PTPRM: variants seen among roughly 807,000 people sequenced by gnomAD.
PTPRM encodes the protein protein tyrosine phosphatase receptor type M.
Under a neutral mutation model 186.7 loss-of-function variants are expected in PTPRM, and 47 were observed. The ratio of observed to expected loss-of-function variants is 0.25; its 90% CI spans 0.20 to 0.32. The LOEUF is 0.32. Ranked by LOEUF, PTPRM falls within the 10% of genes least tolerant of loss-of-function variation. PTPRM has a pLI of 1.00. For synonymous variants in PTPRM, 668 were observed against 674.9 expected (o/e 0.99, Z 0.16); for missense variants, 1,494 against 1,865.0 (o/e 0.80, Z 3.66).
At chr18:8,206,124 A>G (rs2093924469) in intron 14 of PTPRM, among the ~76,000 whole-genome samples, 1 of 152,208 alleles carries the variant, frequency 6.6e-6, no homozygotes, top group African/African-American at 2.4e-5. Context: ...ATGCATGAAG[A>G]TGAACAAAAT....
intron 2 of PTPRM, among the ~76,000 whole-genome samples, chr18:7,834,521 C>CACACACACAG (rs1359393353): frequency 1.4e-5 from 2 of 147,752 alleles, no homozygotes; most frequent in Non-Finnish European, 3.0e-5. Flanking sequence ...CACACACACA[C>CACACACACAG]ACACACACTT....
At position 8,085,768 on chromosome 18, in the gene PTPRM, T is replaced by A; in HGVS notation, c.1649T>A (p.Phe550Tyr). Reference sequence around the variant, plus strand: ...CTGGGAAATGAAACCCATTTTCTGTTTTTTGGACTGTATCCGGGGACCACA... The same window carrying A: ...CTGGGAAATGAAACCCATTTTCTGTATTTTGGACTGTATCCGGGGACCACA... ...SKLGNETHFL[F>Y]FGLYPGTTYS... is the part of the protein sequence containing the mutation. Residue 550 changes from phenylalanine (F) to tyrosine (Y), a missense_variant, in exon 10 of 33, where the codon TTT becomes TAT. Physicochemically the swap from Phe to Tyr is conservative, Grantham distance 22 (BLOSUM62 3). Coordinates refer to ENST00000580170, the MANE Select transcript of PTPRM (RefSeq NM_001105244.2). 6.2e-7 allele frequency: 1 copy of A among 1,613,340 alleles called. No homozygotes were observed. Among genetic ancestry groups the A allele is most frequent in the Non-Finnish European group, 8.5e-7 (1 of 1,179,450 alleles).
At chr18:7,947,887 A>G (rs962349151) in intron 5 of PTPRM, among the ~76,000 whole-genome samples, 1 of 152,042 alleles carries the variant, frequency 6.6e-6, no homozygotes, top group Admixed American at 6.6e-5. Flanking sequence ...ACCCCAAACA[A>G]CTGCAGGCCC....
chr18:7,972,246 G>A (rs1401720899), intron 7 of PTPRM, among the ~76,000 whole-genome samples: 2 of 133,740 alleles, frequency 1.5e-5, no homozygotes, highest in East Asian at 4.1e-4. Context: ...TCACGCATAG[G>A]TGGGAATTGA....
rs79585305 is a variant in PTPRM at position 8,131,206 on chromosome 18, T to C, written c.2168-12441T>C. Among the ~76,000 whole-genome samples, 28 of 152,324 alleles carry C rather than the reference T, an allele frequency of 1.8e-4. No individual in the cohort carries two copies. In the East Asian group the frequency reaches 5.4e-3, roughly 29 times the overall value. On this transcript the variant is annotated intron_variant, in intron 13 of 32. Coordinates refer to ENST00000580170, the MANE Select transcript of PTPRM (RefSeq NM_001105244.2). Reference sequence around the variant, plus strand: ...GATAGTATGTAGGGTATTATTTACTTGAACACCATGTGGATGCTGTGGTCT... The same window carrying C: ...GATAGTATGTAGGGTATTATTTACTCGAACACCATGTGGATGCTGTGGTCT...
intron 1 of PTPRM, among the ~76,000 whole-genome samples, chr18:7,697,505 T>A (rs1034521858): frequency 4.6e-5 from 7 of 152,190 alleles, no homozygotes; most frequent in African/African-American, 1.7e-4. Context: ...TCTTGTCCAG[T>A]AGGGCGATGA....
At chr18:7,924,193 C>G (rs150233006) in intron 4 of PTPRM, among the ~76,000 whole-genome samples, 1 of 152,328 alleles carries the variant, frequency 6.6e-6, no homozygotes, top group East Asian at 1.9e-4. Context: ...GCAGGTATTC[C>G]AGTGGGCTTT....
intron 10 of PTPRM, among the ~76,000 whole-genome samples, chr18:8,087,416 C>T (rs1600488675): frequency 6.6e-6 from 1 of 152,242 alleles, no homozygotes; most frequent in Non-Finnish European, 1.5e-5. Flanking sequence ...TTAATTTACT[C>T]ACAGTTCAGC....
chr18:8,372,776 T>C (rs998895108), intron 24 of PTPRM, among the ~76,000 whole-genome samples: 3 of 151,308 alleles, frequency 2.0e-5, no homozygotes, highest in Non-Finnish European at 2.9e-5. Flanking sequence ...AGAGCACTCA[T>C]GAATAACCGC....
chr18:8,278,349 T>C (rs1366446064), intron 19 of PTPRM, among the ~76,000 whole-genome samples: 2 of 152,188 alleles, frequency 1.3e-5, no homozygotes, highest in Admixed American at 6.6e-5. Context: ...AGTTGTAGGA[T>C]AAAAAGGTAG....
intron 7 of PTPRM, among the ~76,000 whole-genome samples, chr18:7,998,168 A>G (rs189477015): frequency 6.6e-6 from 1 of 152,300 alleles, no homozygotes; most frequent in Non-Finnish European, 1.5e-5. Context: ...TAAGTAAAAT[A>G]TAGTGTATAC....
intron 11 of PTPRM, among the ~76,000 whole-genome samples, chr18:8,097,122 T>A (rs1308251736): frequency 6.6e-6 from 1 of 152,196 alleles, no homozygotes; most frequent in Admixed American, 6.5e-5. Flanking sequence ...AATGTAACTA[T>A]TTATTATAAG....
intron 19 of PTPRM, among the ~76,000 whole-genome samples, chr18:8,280,941 T>C (rs2094896755): frequency 6.6e-6 from 1 of 152,112 alleles, no homozygotes; most frequent in East Asian, 1.9e-4. Context: ...TCTCACATAT[T>C]AGAGATGTGA....
chr18:8,259,546 G>T (rs1484020838), intron 19 of PTPRM, among the ~76,000 whole-genome samples: 1 of 149,476 alleles, frequency 6.7e-6, no homozygotes, highest in Non-Finnish European at 1.5e-5. Flanking sequence ...TTTGTTAAAT[G>T]CAAGTTCAGT....
chr18:8,187,788 G>A (rs571140933), intron 14 of PTPRM, among the ~76,000 whole-genome samples: 1 of 152,304 alleles, frequency 6.6e-6, no homozygotes, highest in South Asian at 2.1e-4. Flanking sequence ...CCACCATAGA[G>A]TGTACAGGCT....
chr18:8,251,935 G>A (rs12954459), intron 17 of PTPRM: 53,475 of 152,192 alleles, frequency 0.35, 9,483 homozygotes, highest in African/African-American at 0.42. Context: ...TATTTTGACA[G>A]CACCCATCCT....
chr18:7,836,051 C>T (rs1007609802), intron 2 of PTPRM, among the ~76,000 whole-genome samples: 4 of 151,968 alleles, frequency 2.6e-5, no homozygotes, highest in South Asian at 2.1e-4. Context: ...AAATTAATGT[C>T]GTCACTCTTT....
chr18:8,295,068 C>G (rs535791724), intron 19 of PTPRM, among the ~76,000 whole-genome samples: 60 of 152,314 alleles, frequency 3.9e-4, no homozygotes, highest in African/African-American at 1.4e-3. Flanking sequence ...ATAGCTCCCA[C>G]TCTCAGGGAG....
intron 7 of PTPRM, among the ~76,000 whole-genome samples, chr18:8,013,551 G>T (rs2084672377): frequency 6.6e-6 from 1 of 152,162 alleles, no homozygotes; most frequent in Non-Finnish European, 1.5e-5. Context: ...GGTTGAGTGG[G>T]CCCAGGAGTG....
Sources: gnomAD v4.1 joint callset for allele counts (sites outside exome capture counted in the v4.1 genomes callset) on GRCh38, gnomAD v4.1.1 for gene constraint, MANE v1.5 for transcripts, NCBI Gene and HGNC (gene_info 2026-07-23, HGNC 2026-07-21) for gene names.